Variants in DNAJC1 observed in about 807,000 individuals in gnomAD.
The protein encoded by DNAJC1 is dnaJ homolog subfamily C member 1.
Under a neutral mutation model 76.6 loss-of-function variants are expected in DNAJC1, and 58 were observed. The ratio of observed to expected loss-of-function variants is 0.76; its 90% CI spans 0.61 to 0.94. The LOEUF is 0.94. DNAJC1 is among the 40% of genes least tolerant of loss of function. The probability of loss-of-function intolerance (pLI) is 0.00; values close to 1 mark genes in which losing one functional copy is unlikely to be tolerated. For missense variants in DNAJC1, 689 were observed against 677.3 expected, an observed-to-expected ratio of 1.02 and a Z score of -0.19; for synonymous variants, 258 against 267.9, an observed-to-expected ratio of 0.96 and a Z score of 0.36.
At chr10:21,889,895 G>C (rs902554486) in intron 7 of DNAJC1, among the ~76,000 whole-genome samples, 1 of 152,158 alleles carries the variant, frequency 6.6e-6, no homozygotes, top group Non-Finnish European at 1.5e-5. Flanking sequence ...CCACCACCCA[G>C]CATAAGAGCA....
intron 8 of DNAJC1, among the ~76,000 whole-genome samples, chr10:21,819,034 A>AT (rs1835116929): frequency 6.6e-6 from 1 of 152,230 alleles, no homozygotes; most frequent in African/African-American, 2.4e-5. Flanking sequence ...AAGGACTAAC[A>AT]TGACACTAAT....
chr10:21,758,559 G>A (rs1475173993), intron 11 of DNAJC1, among the ~76,000 whole-genome samples: 2 of 152,262 alleles, frequency 1.3e-5, no homozygotes, highest in Non-Finnish European at 2.9e-5. Context: ...GGCCACGGCC[G>A]TGGAAAGTAA....
intron 1 of DNAJC1, among the ~76,000 whole-genome samples, chr10:21,952,056 T>C (rs991404241): frequency 6.6e-6 from 1 of 152,214 alleles, no homozygotes; most frequent in Middle Eastern, 3.2e-3. Context: ...ATTTAGACCA[T>C]ATTTGCTTAG....
chr10:21,931,505 T>C (rs1228922032), intron 1 of DNAJC1, among the ~76,000 whole-genome samples: 2 of 152,218 alleles, frequency 1.3e-5, no homozygotes, highest in Admixed American at 1.3e-4. Flanking sequence ...ACTCGATGAA[T>C]TCAAACTCAG....
intron 7 of DNAJC1, among the ~76,000 whole-genome samples, chr10:21,898,773 T>G (rs1836592503): frequency 6.6e-6 from 1 of 151,930 alleles, no homozygotes; most frequent in Non-Finnish European, 1.5e-5. Context: ...TTTTGCCATG[T>G]TGGCCAGGCC....
intron 8 of DNAJC1, among the ~76,000 whole-genome samples, chr10:21,862,562 G>C (rs935733499): frequency 6.6e-6 from 1 of 151,322 alleles, no homozygotes; most frequent in Non-Finnish European, 1.5e-5. Flanking sequence ...CCAAGTAGCT[G>C]AGATTACAGG....
intron 9 of DNAJC1, among the ~76,000 whole-genome samples, chr10:21,770,395 CTTTTTT>C (rs34881959): frequency 9.3e-6 from 1 of 107,566 alleles, no homozygotes; most frequent in East Asian, 2.3e-4. Flanking sequence ...TTTTTTTCTT[CTTTTTT>C]TTTTTTTTTT....
chr10:21,963,681 GTATTT>G (rs1224293821), intron 1 of DNAJC1, among the ~76,000 whole-genome samples: 1 of 152,006 alleles, frequency 6.6e-6, no homozygotes, highest in Non-Finnish European at 1.5e-5. Flanking sequence ...TTGCGTCTTT[GTATTT>G]TAAGTATGTC....
chr10:21,892,661 G>A (rs1225431247), intron 7 of DNAJC1, among the ~76,000 whole-genome samples: 1 of 151,550 alleles, frequency 6.6e-6, no homozygotes, highest in African/African-American at 2.4e-5. Flanking sequence ...ATAACAATAT[G>A]GGTAGACTGA....
At chr10:21,770,740 T>G (rs1483410654) in intron 9 of DNAJC1, among the ~76,000 whole-genome samples, 1 of 152,204 alleles carries the variant, frequency 6.6e-6, no homozygotes. Flanking sequence ...ACATATACTT[T>G]TATCAGACAT....
intron 8 of DNAJC1, among the ~76,000 whole-genome samples, chr10:21,808,709 C>T (rs1478487855): frequency 1.3e-5 from 2 of 152,168 alleles, no homozygotes; most frequent in Non-Finnish European, 2.9e-5. Context: ...ATGTACTCTC[C>T]CTCTTCTAAT....
intron 8 of DNAJC1, among the ~76,000 whole-genome samples, chr10:21,858,976 T>C (rs1287009078): frequency 6.6e-6 from 1 of 152,170 alleles, no homozygotes; most frequent in South Asian, 2.1e-4. Flanking sequence ...GTTTTGGAAA[T>C]TGTAAAAAAA....
intron 8 of DNAJC1, among the ~76,000 whole-genome samples, chr10:21,863,699 TA>T (rs1170689262): frequency 2.6e-5 from 4 of 152,070 alleles, no homozygotes; most frequent in Non-Finnish European, 4.4e-5. Flanking sequence ...GATTTTAAAA[TA>T]AACCAGTAGA....
In DNAJC1 at chr10:21,992,712, A is replaced by G. The variant is rs143753091; in HGVS notation, c.222+10501T>C. ...GTGTGTCAGCTGTCAAAAATCTGAAATATCTGTCAGTCATGATTTATATGT... is the reference window on the plus strand; with the variant it reads ...GTGTGTCAGCTGTCAAAAATCTGAAGTATCTGTCAGTCATGATTTATATGT... On this transcript the variant is annotated intron_variant, in intron 1 of 11. Transcript: ENST00000376980. Among the ~76,000 whole-genome samples, 1,151 of 152,334 alleles carry G rather than the reference A, an allele frequency of 7.6e-3. 5 individuals are homozygous for G. Among genetic ancestry groups the G allele is most frequent in the Middle Eastern group, 0.017 (5 of 294 alleles).
chr10:21,804,024 A>T (rs574233429), intron 9 of DNAJC1: 2 of 932,766 alleles, frequency 2.1e-6, no homozygotes, highest in Non-Finnish European at 2.6e-6. Context: ...ATGAATTTGC[A>T]AAAGTTTAAA....
intron 9 of DNAJC1, among the ~76,000 whole-genome samples, chr10:21,784,315 G>C (rs1228708371): frequency 6.6e-6 from 1 of 152,168 alleles, no homozygotes; most frequent in Non-Finnish European, 1.5e-5. Flanking sequence ...CATCATCACT[G>C]GCCATCAGAG....
Position 22,003,256 on chromosome 10 carries a change from T to G in DNAJC1, c.179A>C (p.Glu60Ala), listed in dbSNP as rs1332710007. The G allele has an allele frequency of 1.3e-6, 2 of 1,565,382 alleles. No individual in the cohort carries two copies. Among genetic ancestry groups the G allele is most frequent in the Non-Finnish European group, 1.7e-6 (2 of 1,158,170 alleles). Residue 60 changes from glutamate (E) to alanine (A), a missense_variant, in exon 1 of 12, where the codon GAG (glutamate) becomes GCG (alanine). Physicochemically the swap from Glu to Ala is moderately radical, Grantham distance 107. Coordinates refer to ENST00000376980, the MANE Select transcript of DNAJC1 (RefSeq NM_022365.4). ...SGDLELFDLVEEVQLNFYQFL... is the reference protein window; with the variant it reads ...SGDLELFDLVAEVQLNFYQFL... ...CTGGTAGAAGTTGAGCTGCACCTCC[T>G]CCACTAAGTCAAACAACTCCAGGTC... is the stretch of plus-strand genomic sequence containing the variant.
At chr10:21,913,482 C>T (rs1161191746) in intron 6 of DNAJC1, among the ~76,000 whole-genome samples, 1 of 151,878 alleles carries the variant, frequency 6.6e-6, no homozygotes, top group African/African-American at 2.4e-5. Context: ...TATTATGGGC[C>T]CAAATATTTA....
chr10:21,771,164 C>T (rs1233363150), intron 9 of DNAJC1, among the ~76,000 whole-genome samples: 1 of 152,150 alleles, frequency 6.6e-6, no homozygotes, highest in East Asian at 1.9e-4. Flanking sequence ...CCTTGCTAAA[C>T]TCATTTATTA....
Sources: gnomAD v4.1 joint callset for allele counts (sites outside exome capture counted in the v4.1 genomes callset) on GRCh38, gnomAD v4.1.1 for gene constraint, MANE v1.5 for transcripts, NCBI Gene and HGNC (gene_info 2026-07-23, HGNC 2026-07-21) for gene names.